Variants in TENM2 observed in about 807,000 individuals in gnomAD.
TENM2 encodes teneurin-2.
Under a neutral mutation model 245.2 loss-of-function variants are expected in TENM2, and 52 were observed. The observed-to-expected ratio is 0.21, with a 90% CI of 0.17 to 0.27. The LOEUF is 0.27. TENM2 is among the 10% of genes least tolerant of loss of function. The probability of loss-of-function intolerance (pLI) is 1.00; values close to 1 mark genes in which losing one functional copy is unlikely to be tolerated. For synonymous variants in TENM2, 1,363 were observed against 1,438.9 expected (o/e 0.95, Z 1.19); for missense variants, 3,046 against 3,666.8 (o/e 0.83, Z 4.37).
chr5:167,583,181 C>T (rs1775216220), intron 2 of TENM2, among the ~76,000 whole-genome samples: 1 of 152,136 alleles, frequency 6.6e-6, no homozygotes, highest in South Asian at 2.1e-4. Context: ...AGATTTCATT[C>T]GAATTCGGGG....
intron 2 of TENM2, among the ~76,000 whole-genome samples, chr5:167,378,431 A>G (rs1276478178): frequency 7.0e-6 from 1 of 143,254 alleles, no homozygotes; most frequent in Non-Finnish European, 1.5e-5. Context: ...TCCTACACTC[A>G]TTGATTTAGC....
chr5:167,517,864 G>T (rs981982890), intron 2 of TENM2, among the ~76,000 whole-genome samples: 1 of 151,942 alleles, frequency 6.6e-6, no homozygotes, highest in Non-Finnish European at 1.5e-5. Flanking sequence ...TGATGGAGTC[G>T]AGAGAGAGTC....
At position 168,111,518 on chromosome 5, in the gene TENM2, C is replaced by T. The variant is rs182865219; in HGVS notation, c.1814-6774C>T. On this transcript the variant is annotated intron_variant, in intron 9 of 28. Transcript: ENST00000518659. ...TCTTTGCATTTGTATTTCATAATCA[C>T]TCCTAGCTCTCTTTCCAACTTCCTC... Among the ~76,000 whole-genome samples, 249 of 152,294 alleles carry T rather than the reference C, an allele frequency of 1.6e-3. 2 individuals are homozygous for T. The highest frequency in any genetic ancestry group is 5.8e-3 in the African/African-American group (241 of 41,568).
intron 2 of TENM2, among the ~76,000 whole-genome samples, chr5:167,480,633 C>T (rs919483286): frequency 6.6e-6 from 1 of 152,156 alleles, no homozygotes; most frequent in Non-Finnish European, 1.5e-5. Flanking sequence ...TCATACATCA[C>T]TTCTTAATGA....
exon 27 of TENM2, chr5:168,246,765 C>T (rs758384596): frequency 6.2e-7 from 1 of 1,613,490 alleles, no homozygotes; most frequent in Non-Finnish European, 8.5e-7. Flanking sequence ...AGTCCATGGT[C>T]CTCCTGCTTC....
At chr5:167,292,146 C>T (rs1754678451) in intron 1 of TENM2, among the ~76,000 whole-genome samples, 1 of 152,190 alleles carries the variant, frequency 6.6e-6, no homozygotes, top group South Asian at 2.1e-4. Flanking sequence ...CACCAGGTCC[C>T]TCCCATCACA....
chr5:167,204,988 G>T, the TENM2 span, among the ~76,000 whole-genome samples: 1 of 152,182 alleles, frequency 6.6e-6, no homozygotes, highest in Non-Finnish European at 1.5e-5. Context: ...TCAAGAAATA[G>T]AAACAGTAAT....
chr5:167,748,675 G>A (rs1761751751), intron 2 of TENM2, among the ~76,000 whole-genome samples: 1 of 152,080 alleles, frequency 6.6e-6, no homozygotes, highest in Admixed American at 6.6e-5. Context: ...GGAGGTCTCA[G>A]GAAACTTACA....
intron 2 of TENM2, among the ~76,000 whole-genome samples, chr5:167,836,905 A>C (rs1583146354): frequency 6.6e-6 from 1 of 152,282 alleles, no homozygotes; most frequent in Non-Finnish European, 1.5e-5. Flanking sequence ...GTTTTCTGAG[A>C]GGAGGCACTG....
At chr5:168,236,356 G>A (rs191973495) in intron 25 of TENM2, among the ~76,000 whole-genome samples, 44 of 152,208 alleles carry the variant, frequency 2.9e-4, no homozygotes, top group African/African-American at 1.1e-3. Context: ...CCACCCACCT[G>A]CACTAGAATA....
intron 2 of TENM2, among the ~76,000 whole-genome samples, chr5:167,646,836 G>A (rs915918260): frequency 1.2e-4 from 19 of 152,166 alleles, no homozygotes; most frequent in Admixed American, 1.0e-3. Context: ...TGAAAAGGAC[G>A]CAGCTATAAT....
intron 9 of TENM2, among the ~76,000 whole-genome samples, chr5:168,114,495 A>G (rs1461832465): frequency 1.3e-5 from 2 of 152,332 alleles, no homozygotes; most frequent in African/African-American, 4.8e-5. Flanking sequence ...TGAACAAAAC[A>G]TCAGCCTGAC....
chr5:167,604,003 C>T (rs534630068), intron 2 of TENM2, among the ~76,000 whole-genome samples: 1 of 152,194 alleles, frequency 6.6e-6, no homozygotes, highest in African/African-American at 2.4e-5. Flanking sequence ...TAAACAGCTG[C>T]CTGCTGTAGT....
intron 2 of TENM2, among the ~76,000 whole-genome samples, chr5:167,597,884 T>C (rs972647211): frequency 6.6e-6 from 1 of 152,214 alleles, no homozygotes; most frequent in Non-Finnish European, 1.5e-5. Flanking sequence ...CTGCTTCCAC[T>C]GGGCTGTGTT....
At chr5:167,584,034 C>G (rs973852053) in intron 2 of TENM2, among the ~76,000 whole-genome samples, 1 of 152,216 alleles carries the variant, frequency 6.6e-6, no homozygotes, top group Non-Finnish European at 1.5e-5. Flanking sequence ...AATGCACTCA[C>G]CTTATTGTAA....
intron 2 of TENM2, among the ~76,000 whole-genome samples, chr5:167,726,206 G>A (rs182106640): frequency 6.6e-6 from 1 of 151,952 alleles, no homozygotes; most frequent in East Asian, 1.9e-4. Context: ...CTCTGAAAAG[G>A]GAGTTGATAA....
At chr5:167,876,173 G>A (rs1432322173) in exon 3 of TENM2, 2 of 1,551,364 alleles carry the variant, frequency 1.3e-6, no homozygotes, top group African/African-American at 1.4e-5. Flanking sequence ...CATGCTCAGG[G>A]CCCCAGCAAG....
intron 3 of TENM2, among the ~76,000 whole-genome samples, chr5:167,950,438 G>T (rs1561971525): frequency 6.6e-6 from 1 of 152,126 alleles, no homozygotes; most frequent in Non-Finnish European, 1.5e-5. Flanking sequence ...TACTTTAGAA[G>T]AGTGTGTGGT....
At chr5:167,906,562 C>G (rs1029567886) in intron 3 of TENM2, among the ~76,000 whole-genome samples, 5 of 152,176 alleles carry the variant, frequency 3.3e-5, no homozygotes, top group Non-Finnish European at 2.9e-5. Flanking sequence ...CCTGCACCTC[C>G]TACCCACTCT....
Sources: gnomAD v4.1 joint callset for allele counts (sites outside exome capture counted in the v4.1 genomes callset) on GRCh38, gnomAD v4.1.1 for gene constraint, MANE v1.5 for transcripts, NCBI Gene and HGNC (gene_info 2026-07-23, HGNC 2026-07-21) for gene names.